PALLD: variants seen among roughly 807,000 people sequenced by gnomAD.
PALLD encodes the protein palladin.
Under a neutral mutation model 123.5 loss-of-function variants are expected in PALLD, and 61 were observed. The observed-to-expected ratio is 0.49, with a 90% CI of 0.40 to 0.61. The LOEUF (loss-of-function observed/expected upper bound fraction) is 0.61, where lower values mean the gene tolerates loss of function less well. PALLD is among the 20% of genes least tolerant of loss of function. The pLI, the probability that PALLD is intolerant of heterozygous loss-of-function variation, is 0.00. For synonymous variants in PALLD, 465 were observed against 496.4 expected, an observed-to-expected ratio of 0.94 and a Z score of 0.84; for missense variants, 1,273 against 1,377.0, an observed-to-expected ratio of 0.92 and a Z score of 1.20.
intron 10 of PALLD, among the ~76,000 whole-genome samples, chr4:168,851,456 C>A (rs552516937): frequency 6.6e-6 from 1 of 152,116 alleles, no homozygotes; most frequent in African/African-American, 2.4e-5. Flanking sequence ...CAACCTCTGC[C>A]TCCCGGGTTC....
At chr4:168,781,859 G>C (rs746146270) in intron 10 of PALLD, among the ~76,000 whole-genome samples, 7 of 151,922 alleles carry the variant, frequency 4.6e-5, no homozygotes, top group Non-Finnish European at 8.8e-5. Context: ...TGATGAAAAA[G>C]TAATGTACCC....
At chr4:168,918,885 G>C (rs1415490092) in intron 17 of PALLD, among the ~76,000 whole-genome samples, 2 of 152,064 alleles carry the variant, frequency 1.3e-5, no homozygotes, top group African/African-American at 4.8e-5. Flanking sequence ...TAGATAATTA[G>C]ATTATACCAA....
chr4:168,717,213 G>A (rs1785445697), intron 10 of PALLD, among the ~76,000 whole-genome samples: 1 of 152,042 alleles, frequency 6.6e-6, no homozygotes, highest in Non-Finnish European at 1.5e-5. Context: ...CTAGAACAGG[G>A]CCTGACAAAT....
In PALLD at chr4:168,773,263, T is replaced by G. The variant is rs150022445; in HGVS notation, c.1964+61340T>G. Among the ~76,000 whole-genome samples, 233 of 152,326 alleles carry G rather than the reference T, an allele frequency of 1.5e-3. 1 individual carries two copies. Among genetic ancestry groups the G allele is most frequent in the African/African-American group, 5.2e-3 (215 of 41,576 alleles). On this transcript the variant is annotated intron_variant, in intron 10 of 21. Transcript: ENST00000505667. ...ATCTGAACCCCCGAGCCTGCCCTTA[T>G]CTATCAAAATCCTGGTGTCTGAAGA...
chr4:168,610,836 C>G (rs57574961), intron 2 of PALLD, among the ~76,000 whole-genome samples: 5,985 of 152,270 alleles, frequency 0.039, 381 homozygotes, highest in African/African-American at 0.13. Context: ...CTGGTCATTT[C>G]TATTCTGTCA....
At chr4:168,870,175 C>G (rs1341927107) in intron 10 of PALLD, among the ~76,000 whole-genome samples, 1 of 152,166 alleles carries the variant, frequency 6.6e-6, no homozygotes, top group Non-Finnish European at 1.5e-5. Flanking sequence ...ATTAACAGAA[C>G]CTTGGCCACT....
At chr4:168,775,100 T>G (rs1734997088) in intron 10 of PALLD, among the ~76,000 whole-genome samples, 1 of 152,226 alleles carries the variant, frequency 6.6e-6, no homozygotes, top group African/African-American at 2.4e-5. Context: ...TACATCATTT[T>G]CAATTTTTTA....
At chr4:168,866,234 C>T (rs1160572337) in intron 10 of PALLD, among the ~76,000 whole-genome samples, 1 of 152,192 alleles carries the variant, frequency 6.6e-6, no homozygotes, top group African/African-American at 2.4e-5. Flanking sequence ...CACTTTACTC[C>T]AGCCTGGGTG....
intron 10 of PALLD, among the ~76,000 whole-genome samples, chr4:168,737,647 A>G (rs1374946620): frequency 6.6e-6 from 1 of 151,940 alleles, no homozygotes; most frequent in Middle Eastern, 3.2e-3. Flanking sequence ...GATTGTTTCC[A>G]TGAAGGTGTG....
chr4:168,822,638 A>G (rs1277873822), intron 10 of PALLD, among the ~76,000 whole-genome samples: 1 of 152,200 alleles, frequency 6.6e-6, no homozygotes, highest in African/African-American at 2.4e-5. Context: ...TGTTTCACCA[A>G]CGCTCTAGTA....
chr4:168,732,368 A>G (rs1253606060), intron 10 of PALLD, among the ~76,000 whole-genome samples: 3 of 152,200 alleles, frequency 2.0e-5, no homozygotes, highest in African/African-American at 7.2e-5. Context: ...TCTAGAGATG[A>G]TCTGGAGAAG....
intron 10 of PALLD, among the ~76,000 whole-genome samples, chr4:168,770,070 G>A (rs1321644889): frequency 6.6e-6 from 1 of 152,122 alleles, no homozygotes; most frequent in Admixed American, 6.5e-5. Flanking sequence ...GGAAGAGAGG[G>A]GTCTTGGAAG....
At chr4:168,638,809 C>A (rs560628129) in intron 2 of PALLD, among the ~76,000 whole-genome samples, 1 of 151,810 alleles carries the variant, frequency 6.6e-6, no homozygotes, top group Admixed American at 6.5e-5. Flanking sequence ...TTCCTAAATA[C>A]CATATGAATT....
At chr4:168,875,285 C>T (rs1252504420) in intron 10 of PALLD, among the ~76,000 whole-genome samples, 1 of 152,000 alleles carries the variant, frequency 6.6e-6, no homozygotes, top group Non-Finnish European at 1.5e-5. Context: ...TATAGGCAAC[C>T]TTGCCTTTCT....
intron 10 of PALLD, among the ~76,000 whole-genome samples, chr4:168,728,886 C>A (rs1429369145): frequency 6.6e-6 from 1 of 152,076 alleles, no homozygotes; most frequent in African/African-American, 2.4e-5. Flanking sequence ...GCCCCAAGGT[C>A]CACTGTATCA....
rs532725203 is a variant in PALLD at position 168,707,322 on chromosome 4, T to C, written c.1502-1706T>C. Among the ~76,000 whole-genome samples, 26 of 152,354 alleles carry C rather than the reference T, an allele frequency of 1.7e-4. No individual in the cohort carries two copies. In the South Asian group the frequency reaches 5.4e-3, roughly 32 times the overall value. ...GGTGGGTGAACTATTTGGCTTGACCTCAGCTGGGTGGTTTTTGTGGTCTGT... is the reference window on the plus strand; with the variant it reads ...GGTGGGTGAACTATTTGGCTTGACCCCAGCTGGGTGGTTTTTGTGGTCTGT... On this transcript the variant is annotated intron_variant, in intron 8 of 21. Coordinates refer to ENST00000505667, the MANE Select transcript of PALLD (RefSeq NM_001166108.2).
chr4:168,585,065 T>C, intron 2 of PALLD, among the ~76,000 whole-genome samples: 1 of 152,170 alleles, frequency 6.6e-6, no homozygotes. Flanking sequence ...AGAAGATAGA[T>C]ATGTTTGTTT....
chr4:168,627,331 G>A (rs552137011), intron 2 of PALLD, among the ~76,000 whole-genome samples: 2 of 152,192 alleles, frequency 1.3e-5, no homozygotes, highest in East Asian at 3.9e-4. Flanking sequence ...CCAACATGGC[G>A]AAAACCCATT....
rs368405948 is a variant in PALLD, at chr4:168,571,692, C to T, written c.908+59280C>T. ...GCATTCTTTAGAAATCTGGTTTTAT[C>T]GGCAGAATGCAAGATTCTTGAAGGT... On this transcript the variant is annotated intron_variant, in intron 2 of 21. Coordinates refer to ENST00000505667, the MANE Select transcript of PALLD (RefSeq NM_001166108.2). 1.3e-4 allele frequency among the ~76,000 whole-genome samples: 20 copies of T among 152,244 alleles called. No individual in the cohort carries two copies. In the South Asian group the frequency reaches 1.9e-3, roughly 14 times the overall value.
Sources: gnomAD v4.1 joint callset for allele counts (sites outside exome capture counted in the v4.1 genomes callset) on GRCh38, gnomAD v4.1.1 for gene constraint, MANE v1.5 for transcripts, NCBI Gene and HGNC (gene_info 2026-07-23, HGNC 2026-07-21) for gene names.